TMTC1: variants seen among roughly 807,000 people sequenced by gnomAD.
The protein encoded by TMTC1 is transmembrane O-mannosyltransferase targeting cadherins 1, also known as protein O-mannosyl-transferase TMTC1.
A neutral mutation model predicts 104.8 loss-of-function variants in TMTC1; 73 were observed. The ratio of observed to expected loss-of-function variants is 0.70; its 90% CI spans 0.58 to 0.85. The LOEUF is 0.85. Among genes scored for constraint, TMTC1 ranks in the 40% least tolerant of loss-of-function variants. TMTC1 has a pLI of 0.00. For missense variants in TMTC1, 1,035 were observed against 1,096.1 expected (o/e 0.94, Z 0.79); for synonymous variants, 434 against 428.7 (o/e 1.01, Z -0.15).
intron 6 of TMTC1, among the ~76,000 whole-genome samples, chr12:29,631,916 A>T (rs1938319194): frequency 6.6e-6 from 1 of 152,226 alleles, no homozygotes. Flanking sequence ...GGATAACTCA[A>T]GCCAGTGAAT....
At chr12:29,550,337 A>G (rs1945060796) in intron 10 of TMTC1, among the ~76,000 whole-genome samples, 1 of 152,144 alleles carries the variant, frequency 6.6e-6, no homozygotes, top group Non-Finnish European at 1.5e-5. Context: ...TATGAATGCA[A>G]AAATCAGGGA....
intron 6 of TMTC1, among the ~76,000 whole-genome samples, chr12:29,605,706 G>A (rs1946680921): frequency 6.6e-6 from 1 of 150,850 alleles, no homozygotes; most frequent in South Asian, 2.1e-4. Context: ...TTATTTATTT[G>A]TTTAAATTTA....
intron 9 of TMTC1, among the ~76,000 whole-genome samples, chr12:29,567,411 T>A (rs1160916013): frequency 6.6e-6 from 1 of 152,198 alleles, no homozygotes; most frequent in African/African-American, 2.4e-5. Flanking sequence ...TTTTTCTAAA[T>A]GAAATAATGT....
chr12:29,608,877 G>A (rs1436796104), intron 6 of TMTC1, among the ~76,000 whole-genome samples: 1 of 152,150 alleles, frequency 6.6e-6, no homozygotes, highest in Non-Finnish European at 1.5e-5. Context: ...CAGCCTAGTA[G>A]CTTCTGGTTT....
intron 5 of TMTC1, chr12:29,666,192 T>A (rs1452052255): frequency 2.3e-6 from 1 of 432,702 alleles, no homozygotes; most frequent in Non-Finnish European, 4.5e-6. Flanking sequence ...ATTGTAAACA[T>A]CTACCCCTTT....
intron 5 of TMTC1, among the ~76,000 whole-genome samples, chr12:29,715,033 C>T (rs1156233557): frequency 6.6e-6 from 1 of 152,072 alleles, no homozygotes; most frequent in Admixed American, 6.6e-5. Flanking sequence ...GTACACTGTC[C>T]TGAATGATAA....
intron 5 of TMTC1, among the ~76,000 whole-genome samples, chr12:29,717,469 T>C (rs1463489410): frequency 6.6e-6 from 1 of 152,218 alleles, no homozygotes; most frequent in Non-Finnish European, 1.5e-5. Context: ...TTATCATGGT[T>C]TGCTTACTAA....
intron 5 of TMTC1, among the ~76,000 whole-genome samples, chr12:29,673,741 CTTCTTT>C (rs1940607195): frequency 9.0e-6 from 1 of 111,234 alleles, no homozygotes; most frequent in African/African-American, 3.3e-5. Context: ...GCCAGAGGGA[CTTCTTT>C]TTTTTTTTTT....
At chr12:29,716,031 A>T (rs149938824) in intron 5 of TMTC1, among the ~76,000 whole-genome samples, 2,681 of 135,352 alleles carry the variant, frequency 0.02, no homozygotes, top group Non-Finnish European at 0.031. Context: ...TATTATTATT[A>T]TTTTAGAAAC....
chr12:29,660,812 G>A, intron 5 of TMTC1: 1 of 1,436,660 alleles, frequency 7.0e-7, no homozygotes, highest in Non-Finnish European at 9.2e-7. Context: ...ACATAACTTA[G>A]GACCAAAATG....
intron 5 of TMTC1, among the ~76,000 whole-genome samples, chr12:29,726,206 G>T (rs1363665173): frequency 6.6e-6 from 1 of 152,204 alleles, no homozygotes; most frequent in Non-Finnish European, 1.5e-5. Context: ...GAATTAAGGA[G>T]GGGGGTGGGA....
intron 1 of TMTC1, among the ~76,000 whole-genome samples, chr12:29,772,715 AAAG>A (rs951905927): frequency 9.9e-5 from 15 of 152,182 alleles, no homozygotes; most frequent in Non-Finnish European, 2.2e-4. Context: ...AAATGTCCAC[AAAG>A]AAGTATAATG....
chr12:29,513,349 CAT>C (rs973664686), intron 16 of TMTC1, among the ~76,000 whole-genome samples: 1 of 151,966 alleles, frequency 6.6e-6, no homozygotes, highest in East Asian at 1.9e-4. Flanking sequence ...CACACACACA[CAT>C]ACATATTCAC....
chr12:29,592,598 G>A (rs569575162), intron 7 of TMTC1, among the ~76,000 whole-genome samples: 1 of 152,190 alleles, frequency 6.6e-6, no homozygotes, highest in South Asian at 2.1e-4. Context: ...CCACCTACCA[G>A]CTCCAAAATT....
chr12:29,664,091 G>A (rs953769136), intron 5 of TMTC1, among the ~76,000 whole-genome samples: 2 of 150,254 alleles, frequency 1.3e-5, no homozygotes, highest in African/African-American at 2.4e-5. Flanking sequence ...GGAGGCTGAG[G>A]AAGGAGAATG....
At chr12:29,619,878 G>A (rs1947084752) in intron 6 of TMTC1, among the ~76,000 whole-genome samples, 1 of 152,144 alleles carries the variant, frequency 6.6e-6, no homozygotes, top group Admixed American at 6.5e-5. Context: ...TTAAAAGTGT[G>A]TTACTACTAT....
At chr12:29,760,849 A>G (rs1472203151) in intron 2 of TMTC1, among the ~76,000 whole-genome samples, 1 of 149,308 alleles carries the variant, frequency 6.7e-6, no homozygotes, top group African/African-American at 2.4e-5. Context: ...ATAATCAATT[A>G]TAATACTGTA....
chr12:29,715,546 T>C (rs1942052066), intron 5 of TMTC1, among the ~76,000 whole-genome samples: 1 of 152,216 alleles, frequency 6.6e-6, no homozygotes, highest in Non-Finnish European at 1.5e-5. Flanking sequence ...ACATTGTATT[T>C]ATTATGGCCC....
At chr12:29,592,774 A>G (rs544002426) in intron 7 of TMTC1, among the ~76,000 whole-genome samples, 11 of 152,354 alleles carry the variant, frequency 7.2e-5, no homozygotes, top group African/African-American at 2.6e-4. Context: ...GTAGTGCACC[A>G]TGCCTGATAC....
Sources: allele counts gnomAD v4.1 joint callset (sites outside exome capture counted in the v4.1 genomes callset), GRCh38; gene constraint gnomAD v4.1.1; transcripts MANE v1.5; gene names NCBI Gene and HGNC (gene_info 2026-07-23, HGNC 2026-07-21).